The following PARD3 variants were observed in gnomAD, a reference collection of about 807,000 sequenced individuals.
PARD3 encodes the protein partitioning defective 3 homolog.
Under a neutral mutation model 155.4 loss-of-function variants are expected in PARD3, and 75 were observed. The ratio of observed to expected loss-of-function variants is 0.48; its 90% CI spans 0.40 to 0.58. The LOEUF (loss-of-function observed/expected upper bound fraction) is 0.58, where lower values mean the gene tolerates loss of function less well. PARD3 is among the 20% of genes least tolerant of loss of function. PARD3 has a pLI of 0.00. For missense variants in PARD3, 1,642 were observed against 1,721.7 expected (o/e 0.95, Z 0.82); for synonymous variants, 576 against 610.5 (o/e 0.94, Z 0.83).
At chr10:34,759,063 A>G (rs1355654329) in intron 1 of PARD3, among the ~76,000 whole-genome samples, 2 of 152,202 alleles carry the variant, frequency 1.3e-5, no homozygotes, top group East Asian at 3.8e-4. Flanking sequence ...ATAAATGAAG[A>G]CAAAATTAAA....
intron 2 of PARD3, among the ~76,000 whole-genome samples, chr10:34,571,547 A>G (rs2086407373): frequency 6.6e-6 from 1 of 152,188 alleles, no homozygotes; most frequent in South Asian, 2.1e-4. Context: ...TAAAACATAA[A>G]GTCACAAGGC....
Position 34,109,902 on chromosome 10 carries a change from C to T in PARD3, c.*1267G>A, listed in dbSNP as rs773786321. On this transcript the variant is annotated 3_prime_UTR_variant, in exon 25 of 25. Transcript: ENST00000374788. ...GCTGAGCTTTCACCTCCAGCTTTTT[C>T]CACATCGGGATTCACAGGCACTTTA... 1.3e-5 allele frequency: 2 copies of T among 151,730 alleles called. No homozygotes were observed. The highest frequency in any genetic ancestry group is 2.9e-5 in the Non-Finnish European group (2 of 67,960). The allele number at this position is 151,730 out of a possible 1,614,324, so 9.4% of individuals were successfully genotyped here. A position where few individuals can be genotyped will look rare whatever the true frequency, so the allele number is the denominator to read the frequency against.
At chr10:34,464,502 G>T (rs1616895) in intron 4 of PARD3, among the ~76,000 whole-genome samples, 77,546 of 151,970 alleles carry the variant, frequency 0.51, 23,431 homozygotes, top group African/African-American at 0.86. Flanking sequence ...TAAGTCTACT[G>T]GAGGAATCTA....
At chr10:34,766,709 C>G (rs200986946) in intron 1 of PARD3, among the ~76,000 whole-genome samples, 2 of 140,052 alleles carry the variant, frequency 1.4e-5, no homozygotes, top group African/African-American at 5.4e-5. Context: ...GGTATAGAAA[C>G]AAAGGCCTTT....
chr10:34,586,118 T>A (rs915451719), intron 2 of PARD3, among the ~76,000 whole-genome samples: 3 of 152,074 alleles, frequency 2.0e-5, no homozygotes, highest in Non-Finnish European at 4.4e-5. Flanking sequence ...GCTACTTTAA[T>A]GCAGATTAGT....
At chr10:34,688,081 G>A (rs935230933) in intron 2 of PARD3, among the ~76,000 whole-genome samples, 1 of 151,790 alleles carries the variant, frequency 6.6e-6, no homozygotes, top group African/African-American at 2.4e-5. Context: ...TCAAACTTCT[G>A]GGCTCAAGTG....
intron 1 of PARD3, among the ~76,000 whole-genome samples, chr10:34,750,462 A>AACAC (rs71033348): frequency 0.021 from 2,801 of 135,868 alleles, 46 homozygotes; most frequent in South Asian, 0.026. Context: ...CTCTCTTTCA[A>AACAC]ACACACACAC....
chr10:34,336,201 G>C lies in PARD3; in HGVS notation c.2603C>G (p.Ala868Gly). The C allele has an allele frequency of 6.2e-7, 1 of 1,611,036 alleles. No homozygotes were observed. The highest frequency in any genetic ancestry group is 1.1e-5 in the South Asian group (1 of 90,952). Reference sequence around the variant, plus strand: ...ACAGTCTAACTGTCCATTCTTACCTGCTTTCTGGTCATCCACTGTATTGAG... The same window carrying C: ...ACAGTCTAACTGTCCATTCTTACCTCCTTTCTGGTCATCCACTGTATTGAG... Reference protein sequence around the residue: ...TKLNTVDDQKAGSPSRDVGPS... With the variant: ...TKLNTVDDQKGGSPSRDVGPS... Residue 868 changes from alanine (A) to glycine (G), a missense_variant and splice_region_variant, in exon 18 of 25, where the codon GCA becomes GGA. This residue lies in a region of PARD3 where 1,529 missense variants were observed against 1,587.3 expected (regional missense o/e 0.96). Transcript: ENST00000374788.
At chr10:34,210,806 G>T (rs1460281932) in intron 22 of PARD3, among the ~76,000 whole-genome samples, 3 of 152,100 alleles carry the variant, frequency 2.0e-5, no homozygotes, top group Admixed American at 1.3e-4. Context: ...GTGCACAATG[G>T]TCATTTAGGA....
intron 2 of PARD3, among the ~76,000 whole-genome samples, chr10:34,599,135 C>T (rs187715204): frequency 6.6e-6 from 1 of 152,330 alleles, no homozygotes; most frequent in Non-Finnish European, 1.5e-5. Context: ...AACCCACAAG[C>T]AACCGCATCC....
chr10:34,704,591 C>T (rs1042545748), intron 1 of PARD3, among the ~76,000 whole-genome samples: 5 of 152,006 alleles, frequency 3.3e-5, no homozygotes, highest in Admixed American at 2.6e-4. Flanking sequence ...AAAAAACAAA[C>T]GAGATAAGCA....
At chr10:34,192,731 T>C (rs112755733) in intron 22 of PARD3, among the ~76,000 whole-genome samples, 2,101 of 152,238 alleles carry the variant, frequency 0.014, 52 homozygotes, top group African/African-American at 0.048. Context: ...GCTCCTAGAA[T>C]GTTCTTAAGA....
rs774389489 is a variant in PARD3, at chr10:34,413,140, T to TACACACACACACAC, written c.715-11224_715-11223insGTGTGTGTGTGTGT. 8.1e-3 allele frequency among the ~76,000 whole-genome samples: 922 copies of TACACACACACACAC among 113,728 alleles called. 9 individuals carry two copies. The highest frequency in any genetic ancestry group is 0.027 in the African/African-American group (859 of 31,434). 74.6% of individuals were successfully genotyped at this position (113,728 alleles called of 152,430 possible). On this transcript the variant is annotated intron_variant, in intron 5 of 24. Transcript: ENST00000374788. The stretch of plus-strand genomic sequence containing the variant: ...AAAACATTAGGCAGTACTTCAGATA[T>TACACACACACACAC]ATATACACACACACACACACACACA...
intron 3 of PARD3, among the ~76,000 whole-genome samples, chr10:34,481,547 C>T (rs1049784612): frequency 1.3e-5 from 2 of 152,132 alleles, no homozygotes; most frequent in African/African-American, 4.8e-5. Context: ...TTAGTTGAGC[C>T]CCTGCCAGAC....
chr10:34,728,821 TA>T (rs1385846383), intron 1 of PARD3, among the ~76,000 whole-genome samples: 1 of 152,254 alleles, frequency 6.6e-6, no homozygotes, highest in Non-Finnish European at 1.5e-5. Flanking sequence ...CTAGGTTTCA[TA>T]TCAGGCAAAA....
chr10:34,472,223 A>G (rs2078395516), intron 3 of PARD3, among the ~76,000 whole-genome samples: 1 of 152,206 alleles, frequency 6.6e-6, no homozygotes, highest in Non-Finnish European at 1.5e-5. Flanking sequence ...GTGCTGAGAG[A>G]AACATAAACA....
At chr10:34,424,333 T>C (rs2075475362) in intron 5 of PARD3, among the ~76,000 whole-genome samples, 2 of 152,146 alleles carry the variant, frequency 1.3e-5, no homozygotes, top group South Asian at 4.1e-4. Context: ...ATTTAATACA[T>C]TCATAATAAT....
rs563045128 is a variant in PARD3 at position 34,213,922 on chromosome 10, C to T, written c.3419+55735G>A. Among the ~76,000 whole-genome samples, 4 of 152,192 alleles carry T rather than the reference C, an allele frequency of 2.6e-5. No homozygotes were observed. In the East Asian group the frequency reaches 5.8e-4, roughly 22 times the overall value. ...TTTCGTTTTTAGAGACAGGGTCTTG[C>T]TCTGTTGCCCAGGCTAGAGTGCAGT... On this transcript the variant is annotated intron_variant, in intron 22 of 24. Transcript: ENST00000374788.
At chr10:34,202,556 G>A (rs1180095283) in intron 22 of PARD3, among the ~76,000 whole-genome samples, 1 of 152,206 alleles carries the variant, frequency 6.6e-6, no homozygotes, top group East Asian at 1.9e-4. Context: ...AGAAAGCTAA[G>A]TGACTTCACC....
Sources: gnomAD v4.1 joint callset for allele counts (sites outside exome capture counted in the v4.1 genomes callset) on GRCh38, gnomAD v4.1.1 for gene constraint, gnomAD v4.1.1 regional missense constraint, MANE v1.5 for transcripts, NCBI Gene and HGNC (gene_info 2026-07-23, HGNC 2026-07-21) for gene names.